TLE4: variants seen among roughly 807,000 people sequenced by gnomAD.
The protein encoded by TLE4 is TLE family member 4, transcriptional corepressor.
In TLE4, 8 loss-of-function variants were observed where a neutral mutation model predicts 92.8. That is an observed-to-expected ratio of 0.09 (90% confidence interval 0.05 to 0.16). The LOEUF (loss-of-function observed/expected upper bound fraction) is 0.16, where lower values mean the gene tolerates loss of function less well. Ranked by LOEUF, TLE4 falls within the 10% of genes least tolerant of loss-of-function variation. The pLI is 1.00. For missense variants in TLE4, 675 were observed against 997.6 expected, an observed-to-expected ratio of 0.68 and a Z score of 4.36; for synonymous variants, 371 against 374.1, an observed-to-expected ratio of 0.99 and a Z score of 0.10.
chr9:79,723,206 G>A (rs750553500), intron 19 of TLE4, among the ~76,000 whole-genome samples, 171 bp downstream of exon 19: 5 of 152,216 alleles, frequency 3.3e-5, no homozygotes, highest in Non-Finnish European at 5.9e-5. Flanking sequence ...CAGCAAAGCC[G>A]TGGAGCTGGG....
chr9:79,678,098 AG>A (rs2063626857), intron 8 of TLE4, among the ~76,000 whole-genome samples: 1 of 152,156 alleles, frequency 6.6e-6, no homozygotes, highest in African/African-American at 2.4e-5. Context: ...AGAAATTAGT[AG>A]ATATGTGAAC....
chr9:79,593,488 C>CT (rs1166171478), intron 4 of TLE4, among the ~76,000 whole-genome samples: 1 of 152,146 alleles, frequency 6.6e-6, no homozygotes, highest in Non-Finnish European at 1.5e-5. Flanking sequence ...CTTGGAAACT[C>CT]TAAACAGTCA....
chr9:79,588,860 C>T (rs1403357941), intron 4 of TLE4, among the ~76,000 whole-genome samples: 1 of 152,110 alleles, frequency 6.6e-6, no homozygotes, highest in Non-Finnish European at 1.5e-5. Context: ...TTTGTGGGGG[C>T]AGAATCCATA....
At chr9:79,677,856 AAG>A (rs1347640142) in intron 8 of TLE4, among the ~76,000 whole-genome samples, 1 of 152,120 alleles carries the variant, frequency 6.6e-6, no homozygotes, top group Non-Finnish European at 1.5e-5. Flanking sequence ...TGGGTGGTGT[AAG>A]AGATTCTACA....
intron 7 of TLE4, among the ~76,000 whole-genome samples, chr9:79,653,255 T>C (rs940617880): frequency 2.6e-5 from 4 of 152,216 alleles, no homozygotes; most frequent in Non-Finnish European, 4.4e-5. Flanking sequence ...GAAAACAATT[T>C]CAGTAGTCTT....
intron 4 of TLE4, among the ~76,000 whole-genome samples, chr9:79,594,082 CATCAGTA>C (rs745694259): frequency 9.2e-5 from 14 of 152,178 alleles, no homozygotes; most frequent in African/African-American, 1.7e-4. Context: ...GGGCCTTAGG[CATCAGTA>C]TTTTTCTAAA....
chr9:79,588,735 A>G (rs1201518805), intron 4 of TLE4, among the ~76,000 whole-genome samples: 1 of 152,214 alleles, frequency 6.6e-6, no homozygotes, highest in Non-Finnish European at 1.5e-5. Flanking sequence ...GGGAATGTTC[A>G]GGGAACTGTA....
chr9:79,671,536 C>T, intron 8 of TLE4: 1 of 270,886 alleles, frequency 3.7e-6, no homozygotes, highest in Non-Finnish European at 7.7e-6. Context: ...GTATACCCAA[C>T]AGATGCTTGT....
chr9:79,722,371 C>T, intron 17 of TLE4, 80 bp from the exon 18 acceptor site: 1 of 1,487,648 alleles, frequency 6.7e-7, no homozygotes, highest in Non-Finnish European at 9.1e-7. Context: ...TAAGTAGTAT[C>T]TACAGAAGAG....
chr9:79,677,608 AT>A (rs61013131), intron 8 of TLE4, among the ~76,000 whole-genome samples: 6,095 of 135,024 alleles, frequency 0.045, 117 homozygotes, highest in African/African-American at 0.077. Flanking sequence ...TTGTTTCTTC[AT>A]TTTTTTTTTT....
In TLE4 at chr9:79,572,479, CG is replaced by C. The variant is rs1340079942; in HGVS notation, c.-311del. ...CCGGCCGGGTGAGCGGCGGCCGCGG[CG>C]CCGGGCTCGGCGGGTGCGCCTCGGC... On this transcript the variant is annotated 5_prime_UTR_variant, in exon 1 of 20. Transcript: ENST00000376552. 1.3e-5 allele frequency: 2 copies of C among 153,272 alleles called. No homozygotes were observed. The highest frequency in any genetic ancestry group is 4.8e-5 in the African/African-American group (2 of 41,314). The allele number at this position is 153,272 out of a possible 1,614,324, so 9.5% of individuals were successfully genotyped here.
chr9:79,601,758 C>T (rs1205350922), intron 4 of TLE4, among the ~76,000 whole-genome samples: 2 of 152,086 alleles, frequency 1.3e-5, no homozygotes, highest in Admixed American at 6.6e-5. Context: ...TAACCCTACA[C>T]GGGAGGGCCT....
Position 79,708,655 on chromosome 9 carries a change from C to G in TLE4, c.1132C>G (p.Pro378Ala). 6.2e-7 allele frequency: 1 copy of G among 1,614,092 alleles called. No individual in the cohort carries two copies. ...ATATCCAACTCCATTTGGGATTGTG[C>G]CCCATGCTGGAATGAACGGAGAGCT... ...CPYPTPFGIV[P>A]HAGMNGELTS... The change falls in exon 13 of 20, where the codon CCC becomes GCC. Residue 378 changes from proline to alanine, a missense_variant. Pro to Ala is a conservative substitution (Grantham distance 27, BLOSUM62 -1). This residue lies in a region of TLE4 where 119 missense variants were observed against 175.9 expected (regional missense o/e 0.68). Coordinates refer to ENST00000376552, the MANE Select transcript of TLE4 (RefSeq NM_007005.6).
rs35528090 is a variant in TLE4, at chr9:79,690,779, C to CTTTTTTTTTTTTTT, written c.610-13989_610-13976dup. Among the ~76,000 whole-genome samples the CTTTTTTTTTTTTTT allele has an allele frequency of 5.5e-5, 3 of 54,164 alleles. 1 individual carries two copies. Among genetic ancestry groups the CTTTTTTTTTTTTTT allele is most frequent in the African/African-American group, 2.1e-4 (3 of 14,624 alleles). 35.5% of individuals were successfully genotyped at this position (54,164 alleles called of 152,430 possible). The stretch of plus-strand genomic sequence containing the variant: ...TATAGGAATGTGCCACCACTCCTGG[C>CTTTTTTTTTTTTTT]TTTTTTTTTTTTTTTTTTTTTTTTT... On this transcript the variant is annotated intron_variant, in intron 8 of 19. Transcript: ENST00000376552.
intron 8 of TLE4, among the ~76,000 whole-genome samples, chr9:79,691,912 C>T (rs1306772537): frequency 6.6e-6 from 1 of 151,990 alleles, no homozygotes; most frequent in Non-Finnish European, 1.5e-5. Flanking sequence ...TTTTTAATGT[C>T]CCTTAACTAG....
chr9:79,592,825 A>G (rs1221804160), intron 4 of TLE4, among the ~76,000 whole-genome samples: 3 of 152,174 alleles, frequency 2.0e-5, no homozygotes, highest in African/African-American at 4.8e-5. Flanking sequence ...GTGATTGTGT[A>G]TCCTTTTTAA....
chr9:79,649,994 C>T, intron 6 of TLE4: 1 of 690,556 alleles, frequency 1.4e-6, no homozygotes, highest in Non-Finnish European at 2.1e-6. Context: ...TGGCTCACTG[C>T]AGCCATGACC....
intron 1 of TLE4, chr9:79,573,213 TG>T (rs1322942468): frequency 3.0e-6 from 3 of 998,964 alleles, no homozygotes; most frequent in African/African-American, 1.7e-5. Context: ...GGCTGCGGTT[TG>T]GAAGTGCGGG....
chr9:79,702,522 G>C (rs1189248185), intron 8 of TLE4, among the ~76,000 whole-genome samples: 4 of 152,142 alleles, frequency 2.6e-5, no homozygotes, highest in Admixed American at 1.3e-4. Flanking sequence ...AGTGAGGTTT[G>C]GAACTCAGCA....
Sources: allele counts gnomAD v4.1 joint callset (sites outside exome capture counted in the v4.1 genomes callset), GRCh38; gene constraint gnomAD v4.1.1; regional missense constraint gnomAD v4.1.1; transcripts MANE v1.5; gene names NCBI Gene and HGNC (gene_info 2026-07-23, HGNC 2026-07-21).